Variants in FOXJ3 observed in about 807,000 individuals in gnomAD.
FOXJ3 encodes forkhead box J3.
A neutral mutation model predicts 76.1 loss-of-function variants in FOXJ3; 22 were observed. The observed-to-expected ratio is 0.29, with a 90% confidence interval of 0.21 to 0.41. FOXJ3 has a LOEUF of 0.41. Ranked by LOEUF, FOXJ3 falls within the 10% of genes least tolerant of loss-of-function variation. The pLI, the probability that FOXJ3 is intolerant of heterozygous loss-of-function variation, is 1.00. For missense variants in FOXJ3, 613 were observed against 762.1 expected (o/e 0.80, Z 2.30); for synonymous variants, 269 against 261.2 (o/e 1.03, Z -0.29).
rs1487915315 is a variant in FOXJ3, at chr1:42,311,125, AGAGT to A, written c.-17-19_-17-16del. ...ACAAAGAGAATCTGAAAAGCAAAGA[AGAGT>A]TAGTTATCAGATACTGCAAAGTAAA... On this transcript the variant is annotated splice_polypyrimidine_tract_variant and intron_variant, in intron 1 of 12. Transcript: ENST00000361346. 1 of 1,563,868 alleles carries A rather than the reference AGAGT, an allele frequency of 6.4e-7. No individual in the cohort carries two copies. Among genetic ancestry groups the A allele is most frequent in the African/African-American group, 1.4e-5 (1 of 72,712 alleles).
At chr1:42,271,077 T>C (rs886849451) in intron 3 of FOXJ3, among the ~76,000 whole-genome samples, 2 of 152,156 alleles carry the variant, frequency 1.3e-5, no homozygotes, top group African/African-American at 4.8e-5. Context: ...TTTTTGGAGA[T>C]AGAGACTGCC....
chr1:42,331,340 C>T (rs940829391), intron 1 of FOXJ3, among the ~76,000 whole-genome samples: 16 of 152,016 alleles, frequency 1.1e-4, no homozygotes, highest in African/African-American at 3.6e-4. Flanking sequence ...CGAGATGGCG[C>T]CACTGCACTC....
At chr1:42,284,465 CAGAG>C (rs767136834) in intron 2 of FOXJ3, among the ~76,000 whole-genome samples, 1 of 152,174 alleles carries the variant, frequency 6.6e-6, no homozygotes, top group Non-Finnish European at 1.5e-5. Flanking sequence ...CAAGAAGAGA[CAGAG>C]AAAGTACAGA....
At chr1:42,242,048 T>C (rs1649186860) in intron 4 of FOXJ3, among the ~76,000 whole-genome samples, 2 of 152,314 alleles carry the variant, frequency 1.3e-5, no homozygotes, top group South Asian at 2.1e-4. Flanking sequence ...ACTACACTGC[T>C]ACATACACCC....
intron 4 of FOXJ3, among the ~76,000 whole-genome samples, chr1:42,253,966 A>T (rs1473127028): frequency 6.6e-6 from 1 of 151,024 alleles, no homozygotes; most frequent in African/African-American, 2.4e-5. Flanking sequence ...GACAAATGGG[A>T]TCTAATTAAA....
intron 4 of FOXJ3, among the ~76,000 whole-genome samples, chr1:42,252,311 G>A (rs932721172): frequency 6.6e-5 from 10 of 152,226 alleles, no homozygotes; most frequent in African/African-American, 2.4e-4. Context: ...TCCTGTTATT[G>A]GTCTATTCAG....
intron 1 of FOXJ3, among the ~76,000 whole-genome samples, chr1:42,328,510 C>T (rs1047136824): frequency 6.6e-6 from 1 of 151,942 alleles, no homozygotes; most frequent in African/African-American, 2.4e-5. Flanking sequence ...TAATGTAGGT[C>T]CAATTACATC....
intron 2 of FOXJ3, chr1:42,280,326 T>C (rs546745705): frequency 4.1e-4 from 400 of 982,976 alleles, no homozygotes; most frequent in Admixed American, 2.1e-3. Flanking sequence ...TTTTCAGGTA[T>C]GTTGATCCAT....
In FOXJ3 at chr1:42,177,934, T is replaced by C. The variant is rs989401745; in HGVS notation, c.*1776A>G. On this transcript the variant is annotated 3_prime_UTR_variant, in exon 13 of 13. Transcript: ENST00000361346. The stretch of plus-strand genomic sequence containing the variant: ...CTAAAAAGCAACTAGTGAGCAGTTA[T>C]TACTCTTTGACTTGATGGAATATAT... 1 of 152,584 alleles carries C rather than the reference T, an allele frequency of 6.6e-6. No individual in the cohort carries two copies. Among genetic ancestry groups the C allele is most frequent in the Admixed American group, 6.5e-5 (1 of 15,272 alleles). 9.5% of individuals were successfully genotyped at this position (152,584 alleles called of 1,614,324 possible).
In FOXJ3 at chr1:42,334,419, A is replaced by AG. The variant is rs1258197192; in HGVS notation, c.-18+639dup. Among the ~76,000 whole-genome samples the AG allele has an allele frequency of 1.3e-4, 19 of 145,462 alleles. No homozygotes were observed. The South Asian group carries it at 1.7e-3, about 13-fold the overall frequency. On this transcript the variant is annotated intron_variant, in intron 1 of 12. Transcript: ENST00000361346. ...CACCAGCTGCAAAAATGGAGCTGGGAGGGGGGGCGGGAGACACTCTACCAC... is the reference window on the plus strand; with the variant it reads ...CACCAGCTGCAAAAATGGAGCTGGGAGGGGGGGGCGGGAGACACTCTACCAC...
chr1:42,262,919 T>C (rs146988776), intron 4 of FOXJ3, among the ~76,000 whole-genome samples: 104 of 152,146 alleles, frequency 6.8e-4, no homozygotes, highest in Non-Finnish European at 1.2e-3. Flanking sequence ...AAATTACTAC[T>C]ACAAATGTAC....
Position 42,278,485 on chromosome 1 carries a change from TC to T in FOXJ3, c.231del (p.Lys78AsnfsTer22). On this transcript the variant is annotated frameshift_variant, in exon 3 of 13. Coordinates refer to ENST00000361346, the MANE Select transcript of FOXJ3 (RefSeq NM_014947.5). LOFTEE classifies it high-confidence loss of function. ...AGGCTGGCATAACTGTATGGAGGTT[TC>T]CCATCTTTGTGCTGTTGGACTTCTT... ...DQEEVQQHKD[G>X]KPPYSYASLI... 1 of 1,614,202 alleles carries T rather than the reference TC, an allele frequency of 6.2e-7. No homozygotes were observed. The highest frequency in any genetic ancestry group is 8.5e-7 in the Non-Finnish European group (1 of 1,180,014).
intron 1 of FOXJ3, among the ~76,000 whole-genome samples, chr1:42,329,275 T>G (rs1276052391): frequency 6.6e-6 from 1 of 152,250 alleles, no homozygotes; most frequent in East Asian, 1.9e-4. Flanking sequence ...TCTGCTGATC[T>G]GGTTATAACA....
chr1:42,182,903 A>G (rs56894933), intron 11 of FOXJ3, among the ~76,000 whole-genome samples: 4,262 of 152,174 alleles, frequency 0.028, 197 homozygotes, highest in African/African-American at 0.098. Flanking sequence ...CTGTTAATTA[A>G]CAAGTACCTG....
At chr1:42,222,864 A>G (rs1647273005) in intron 5 of FOXJ3, among the ~76,000 whole-genome samples, 1 of 152,182 alleles carries the variant, frequency 6.6e-6, no homozygotes, top group Non-Finnish European at 1.5e-5. Flanking sequence ...ACCCTCATTT[A>G]TTAGACATAT....
intron 9 of FOXJ3, among the ~76,000 whole-genome samples, 185 bp downstream of exon 9, chr1:42,191,118 C>T (rs933155976): frequency 3.4e-4 from 52 of 151,888 alleles, no homozygotes; most frequent in African/African-American, 1.2e-3. Context: ...TATGTTGCCA[C>T]AATAAATTTT....
intron 12 of FOXJ3, 70 bp from the exon 13 acceptor site, chr1:42,179,895 CTGTGTACTTCCTATA>C (rs1646284285): frequency 1.1e-6 from 1 of 926,768 alleles, no homozygotes; most frequent in Middle Eastern, 2.2e-4. Flanking sequence ...CTAACCCCTA[CTGTGTACTTCCTATA>C]TGCCAGGCAC....
chr1:42,213,590 G>A (rs901968042), intron 5 of FOXJ3, among the ~76,000 whole-genome samples: 3 of 151,862 alleles, frequency 2.0e-5, no homozygotes, highest in Non-Finnish European at 4.4e-5. Flanking sequence ...AAAATCACTA[G>A]TACTACAGCT....
intron 2 of FOXJ3, among the ~76,000 whole-genome samples, chr1:42,282,484 C>T (rs1300429247): frequency 2.0e-5 from 3 of 152,140 alleles, no homozygotes; most frequent in Non-Finnish European, 2.9e-5. Context: ...GCAATTACAA[C>T]CTCAGTTTGG....
Sources: gnomAD v4.1 joint callset for allele counts (sites outside exome capture counted in the v4.1 genomes callset) on GRCh38, gnomAD v4.1.1 for gene constraint, MANE v1.5 for transcripts, NCBI Gene and HGNC (gene_info 2026-07-23, HGNC 2026-07-21) for gene names.